Variants in TENM3 observed in about 807,000 individuals in gnomAD.
The protein encoded by TENM3 is teneurin-3.
Under a neutral mutation model 255.1 loss-of-function variants are expected in TENM3, and 63 were observed. That is an observed-to-expected ratio of 0.25 (90% CI 0.20 to 0.30). The LOEUF (loss-of-function observed/expected upper bound fraction) is 0.30, where lower values mean the gene tolerates loss of function less well. Ranked by LOEUF, TENM3 falls within the 10% of genes least tolerant of loss-of-function variation. TENM3 has a pLI of 1.00. For missense variants in TENM3, 2,929 were observed against 3,461.1 expected, an observed-to-expected ratio of 0.85 and a Z score of 3.86; for synonymous variants, 1,306 against 1,322.3, an observed-to-expected ratio of 0.99 and a Z score of 0.27.
chr4:182,330,706 C>A (rs1763693209), intron 2 of TENM3, among the ~76,000 whole-genome samples: 1 of 152,192 alleles, frequency 6.6e-6, no homozygotes, highest in Non-Finnish European at 1.5e-5. Flanking sequence ...GAAATACCAA[C>A]TGAATTAGAA....
chr4:182,313,337 C>T lies in TENM3; in HGVS notation c.-75-10609C>T, dbSNP rs188058114. On this transcript the variant is annotated intron_variant, in intron 1 of 27. Coordinates refer to ENST00000511685, the MANE Select transcript of TENM3 (RefSeq NM_001080477.4). ...CTATATATTTTATTACCTAAATTTA[C>T]GTTTATTCATGATAATTCATCCATG... Among the ~76,000 whole-genome samples, 923 of 151,640 alleles carry T rather than the reference C, an allele frequency of 6.1e-3. 9 individuals are homozygous for T. The highest frequency in any genetic ancestry group is 0.021 in the African/African-American group (870 of 41,410).
Position 182,150,179 on chromosome 4 carries a change from A to C in TENM3, c.-76+5425A>C, listed in dbSNP as rs561983068. Among the ~76,000 whole-genome samples, 3 of 151,986 alleles carry C rather than the reference A, an allele frequency of 2.0e-5. No homozygotes were observed. In the East Asian group the frequency reaches 5.8e-4, roughly 29 times the overall value. ...CTGGGTCTACTTGGTGTCTGCCTCAAAACCAAAAAAAGATAAGGGAAGGAG... is the reference window on the plus strand; with the variant it reads ...CTGGGTCTACTTGGTGTCTGCCTCACAACCAAAAAAAGATAAGGGAAGGAG... On this transcript the variant is annotated intron_variant, in intron 1 of 2. Transcript: ENST00000512480.
chr4:182,799,856 G>A lies in TENM3; in HGVS notation c.7605G>A (p.Glu2535=), dbSNP rs200853850. 1.4e-3 allele frequency: 2,248 copies of A among 1,611,386 alleles called. 1 individual carries two copies. Among genetic ancestry groups the A allele is most frequent in the Non-Finnish European group, 1.8e-3 (2,130 of 1,179,016 alleles). Residue 2535 remains glutamate (E), a synonymous_variant, in exon 28 of 28, where the codon GAG becomes GAA. Coordinates refer to ENST00000511685, the MANE Select transcript of TENM3 (RefSeq NM_001080477.4). The surrounding 1 kb of genome is among the most constrained non-coding windows in gnomAD (Gnocchi z 4.2). ...TGCTCAACAACGCCTTCTACCTGGA[G>A]AACCTGCACTTCACCATCGAGGGCA... The part of the protein sequence containing the change: ...AAVLNNAFYL[E]NLHFTIEGKD...
intron 4 of TENM3, among the ~76,000 whole-genome samples, chr4:182,618,492 T>TAAAA (rs1749754996): frequency 1.3e-5 from 2 of 152,116 alleles, no homozygotes; most frequent in African/African-American, 4.8e-5. Flanking sequence ...TAAATTTCCT[T>TAAAA]GATAATCTGA....
At chr4:181,562,626 C>A in the TENM3 span, among the ~76,000 whole-genome samples, 1 of 151,980 alleles carries the variant, frequency 6.6e-6, no homozygotes, top group African/African-American at 2.4e-5. Context: ...TAGCCACTTT[C>A]CAGCCTGTGA....
the TENM3 span, among the ~76,000 whole-genome samples, chr4:181,782,048 G>A: frequency 2.6e-5 from 4 of 152,160 alleles, no homozygotes; most frequent in South Asian, 4.2e-4. Flanking sequence ...TTTTTGCATC[G>A]ATGTTCATCA....
At chr4:182,220,318 A>C (rs1755769211) in intron 1 of TENM3, among the ~76,000 whole-genome samples, 1 of 141,850 alleles carries the variant, frequency 7.0e-6, no homozygotes, top group Non-Finnish European at 1.5e-5. Context: ...CGGAGGTTGC[A>C]GTGAGCAGAG....
the TENM3 span, among the ~76,000 whole-genome samples, chr4:181,806,868 T>C: frequency 6.6e-6 from 1 of 152,262 alleles, no homozygotes; most frequent in Non-Finnish European, 1.5e-5. Context: ...TCCTCAGGGA[T>C]GGATCATATT....
At chr4:182,051,373 C>T in the TENM3 span, among the ~76,000 whole-genome samples, 1 of 119,830 alleles carries the variant, frequency 8.3e-6, no homozygotes, top group Non-Finnish European at 1.7e-5. Flanking sequence ...AGTTATTTTT[C>T]CTCTCTTTTT....
the TENM3 span, among the ~76,000 whole-genome samples, chr4:181,794,186 C>CT: frequency 2.2e-5 from 3 of 138,222 alleles, no homozygotes; most frequent in African/African-American, 7.8e-5. Flanking sequence ...TTATGGTGTA[C>CT]AATATATATA....
chr4:181,829,091 G>T, the TENM3 span, among the ~76,000 whole-genome samples: 2 of 152,112 alleles, frequency 1.3e-5, no homozygotes, highest in Non-Finnish European at 2.9e-5. Flanking sequence ...ACGCACACAG[G>T]CCTTCTCTTA....
At chr4:182,620,406 C>T (rs528839458) in intron 4 of TENM3, among the ~76,000 whole-genome samples, 1 of 152,282 alleles carries the variant, frequency 6.6e-6, no homozygotes, top group South Asian at 2.1e-4. Context: ...ATGAAAGAGC[C>T]ATTGTTGCCT....
At chr4:181,684,472 G>A in the TENM3 span, among the ~76,000 whole-genome samples, 1 of 152,130 alleles carries the variant, frequency 6.6e-6, no homozygotes, top group Non-Finnish European at 1.5e-5. Context: ...ATATGTTTGT[G>A]TGAAAATGTG....
At chr4:181,886,375 T>G in the TENM3 span, among the ~76,000 whole-genome samples, 1 of 152,210 alleles carries the variant, frequency 6.6e-6, no homozygotes, top group African/African-American at 2.4e-5. Context: ...TTTTTCTTCA[T>G]TAAGTTGTGC....
the TENM3 span, among the ~76,000 whole-genome samples, chr4:182,070,402 C>T: frequency 1.3e-5 from 2 of 152,098 alleles, no homozygotes; most frequent in Admixed American, 6.6e-5. Context: ...GTGGATCACT[C>T]GAGGTCGGGA....
At chr4:182,484,417 T>C (rs972578004) in intron 3 of TENM3, among the ~76,000 whole-genome samples, 1 of 152,196 alleles carries the variant, frequency 6.6e-6, no homozygotes, top group Non-Finnish European at 1.5e-5. Flanking sequence ...ATAGGCTCTG[T>C]TTCCTTGTTT....
chr4:182,725,714 C>T (rs917517464), intron 13 of TENM3, among the ~76,000 whole-genome samples: 1 of 146,262 alleles, frequency 6.8e-6, no homozygotes, highest in South Asian at 2.1e-4. Context: ...CGGCTCACTG[C>T]GACCTCCACC....
the TENM3 span, among the ~76,000 whole-genome samples, chr4:181,448,535 T>C: frequency 6.6e-6 from 1 of 152,112 alleles, no homozygotes; most frequent in Non-Finnish European, 1.5e-5. Context: ...ATAGCTTTGG[T>C]TCATAAAACA....
At chr4:181,914,641 C>G in the TENM3 span, among the ~76,000 whole-genome samples, 1 of 152,068 alleles carries the variant, frequency 6.6e-6, no homozygotes, top group Non-Finnish European at 1.5e-5. Flanking sequence ...ATGTAGAGAG[C>G]TGAGCATGTT....
Sources: gnomAD v4.1 joint callset for allele counts (sites outside exome capture counted in the v4.1 genomes callset) on GRCh38, gnomAD v4.1.1 for gene constraint, Gnocchi (gnomAD v3.1) non-coding constraint, MANE v1.5 for transcripts, NCBI Gene and HGNC (gene_info 2026-07-23, HGNC 2026-07-21) for gene names.